Variants in CARD8 observed in about 807,000 individuals in gnomAD.
CARD8 encodes caspase recruitment domain family member 8.
CARD8 carries 38 observed loss-of-function variants against 53.2 expected under a neutral mutation model. That is an observed-to-expected ratio of 0.71 (90% CI 0.55 to 0.94). The LOEUF (loss-of-function observed/expected upper bound fraction) is 0.94, where lower values mean the gene tolerates loss of function less well. CARD8 is among the 40% of genes least tolerant of loss of function. CARD8 has a pLI of 0.00. For missense variants in CARD8, 561 were observed against 655.5 expected (o/e 0.86, Z 1.57); for synonymous variants, 245 against 244.9 (o/e 1.00, Z 0.00).
In CARD8 at chr19:48,211,504, C is replaced by A. The variant is rs1425048327; in HGVS notation, c.*206G>T. 3 of 552,250 alleles carry A rather than the reference C, an allele frequency of 5.4e-6. No homozygotes were observed. The Admixed American group carries it at 1.0e-4, about 19-fold the overall frequency. 34.2% of individuals were successfully genotyped at this position (552,250 alleles called of 1,614,324 possible). ...AAAAAATTTAAAAGGAATATTACTA[C>A]CTTCTTCAGACATTCTTGAGGAAAA... is the stretch of plus-strand genomic sequence containing the variant. On this transcript the variant is annotated 3_prime_UTR_variant, in exon 14 of 14. Coordinates refer to ENST00000651546, the MANE Select transcript of CARD8 (RefSeq NM_001184900.3).
chr19:48,206,417 A>G (rs73057772), downstream of CARD8: 6,704 of 457,834 alleles, frequency 0.015, 89 homozygotes, highest in Non-Finnish European at 0.021. Context: ...AGCAGTCCCA[A>G]TGAGTCTGGA....
intron 11 of CARD8, among the ~76,000 whole-genome samples, chr19:48,220,879 C>T (rs1259583852): frequency 6.7e-6 from 1 of 150,338 alleles, no homozygotes; most frequent in East Asian, 2.0e-4. Flanking sequence ...CCACTGCACT[C>T]CAGCTTGGGC....
Position 48,238,383 on chromosome 19 carries a change from G to GT in CARD8, c.208dup (p.Thr70AsnfsTer11), listed in dbSNP as rs1217095626. The stretch of plus-strand genomic sequence containing the variant: ...TTCCCAACAAATAGATGTCCCTTAC[G>GT]TATCATTTGTCACACAGGCCTCAGC... On this transcript the variant is annotated frameshift_variant and splice_region_variant, in exon 5 of 14. Coordinates refer to ENST00000651546, the MANE Select transcript of CARD8 (RefSeq NM_001184900.3). LOFTEE classifies it high-confidence loss of function. The GT allele has an allele frequency of 3.3e-6, 5 of 1,535,444 alleles. No homozygotes were observed. The African/African-American group carries it at 6.9e-5, about 21-fold the overall frequency.
chr19:48,254,758 G>A (rs1041345962), intron 1 of CARD8, among the ~76,000 whole-genome samples: 16 of 152,104 alleles, frequency 1.1e-4, no homozygotes, highest in African/African-American at 3.4e-4. Context: ...CTGACAAATA[G>A]AGCCAGGAAG....
intron 10 of CARD8, among the ~76,000 whole-genome samples, chr19:48,227,018 G>A (rs2041914412): frequency 1.3e-5 from 2 of 151,780 alleles, no homozygotes; most frequent in Admixed American, 1.3e-4. Flanking sequence ...GAACCTGGGA[G>A]GCAGAGGTTG....
intron 1 of CARD8, among the ~76,000 whole-genome samples, chr19:48,254,679 ACTT>A (rs1166242037): frequency 6.6e-6 from 1 of 152,106 alleles, no homozygotes; most frequent in Non-Finnish European, 1.5e-5. Flanking sequence ...TTTCAGAGAA[ACTT>A]CTTGATCACA....
At chr19:48,231,627 G>A (rs747937737) in intron 8 of CARD8, 33 bp downstream of exon 8, 4 of 1,556,340 alleles carry the variant, frequency 2.6e-6, no homozygotes, top group Non-Finnish European at 3.5e-6. Flanking sequence ...ATATCAGAGT[G>A]GTTTTCAAAT....
At chr19:48,232,131 A>G (rs2043019785) in intron 7 of CARD8, 1 of 549,228 alleles carries the variant, frequency 1.8e-6, no homozygotes, top group Non-Finnish European at 3.3e-6. Flanking sequence ...ATAGCAGAAG[A>G]CACTTTCTGC....
intron 5 of CARD8, among the ~76,000 whole-genome samples, chr19:48,237,077 G>T (rs532703343): frequency 6.6e-6 from 1 of 152,148 alleles, no homozygotes; most frequent in South Asian, 2.1e-4. Flanking sequence ...CGCCTGGCCT[G>T]TATTGGGTCA....
rs779639405 is a variant in CARD8, at chr19:48,230,952, G to A, written c.597C>T (p.Phe199=). Residue 199 remains phenylalanine (F), a synonymous_variant, in exon 9 of 14, where the codon TTC becomes TTT. Transcript: ENST00000651546. ...TCACTGTGACCTCATCCCTTACCAG[G>A]AAGCCGAGGCCTGTGGCTGACCACA... is the stretch of plus-strand genomic sequence containing the variant. ...WYLWSATGLG[F]LVRDEVTVTI... is the part of the protein sequence containing the mutation. 15 of 1,614,058 alleles carry A rather than the reference G, an allele frequency of 9.3e-6. No homozygotes were observed. The highest frequency in any genetic ancestry group is 1.6e-4 in the Middle Eastern group (1 of 6,084).
At chr19:48,218,140 C>A (rs894953201) in intron 12 of CARD8, among the ~76,000 whole-genome samples, 2 of 150,476 alleles carry the variant, frequency 1.3e-5, no homozygotes, top group African/African-American at 4.9e-5. Flanking sequence ...ACTGATAATA[C>A]ACTGACAATA....
At position 48,246,498 on chromosome 19, in the gene CARD8, G is replaced by A. The variant is rs558861271; in HGVS notation, c.-44+3025C>T. 5.3e-5 allele frequency among the ~76,000 whole-genome samples: 8 copies of A among 152,216 alleles called. No individual in the cohort carries two copies. In the South Asian group the frequency reaches 8.3e-4, roughly 16 times the overall value. ...GGAAAGACCTGGGGAATCCATGCATGTATACCGAACTGTGCCTACACATGC... is the reference window on the plus strand; with the variant it reads ...GGAAAGACCTGGGGAATCCATGCATATATACCGAACTGTGCCTACACATGC... On this transcript the variant is annotated intron_variant, in intron 3 of 13. Transcript: ENST00000651546.
In CARD8 at chr19:48,213,785, C is replaced by T. The variant is rs956542730; in HGVS notation, c.1348+1555G>A. ...CTCTTCACTTTTACAACAGCCCCAC[C>T]GTTCCCCACTTCCTATTCATTCCCA... is the stretch of plus-strand genomic sequence containing the variant. On this transcript the variant is annotated intron_variant, in intron 13 of 13. Coordinates refer to ENST00000651546, the MANE Select transcript of CARD8 (RefSeq NM_001184900.3). Among the ~76,000 whole-genome samples, 6 of 152,316 alleles carry T rather than the reference C, an allele frequency of 3.9e-5. No individual in the cohort carries two copies. In the East Asian group the frequency reaches 7.7e-4, roughly 20 times the overall value.
chr19:48,222,336 C>T (rs1426273718), intron 10 of CARD8, among the ~76,000 whole-genome samples: 1 of 152,128 alleles, frequency 6.6e-6, no homozygotes, highest in Non-Finnish European at 1.5e-5. Context: ...TGACCACCAG[C>T]GAGCAGAAAC....
chr19:48,239,158 G>A (rs1327315069), intron 4 of CARD8, among the ~76,000 whole-genome samples: 2 of 152,190 alleles, frequency 1.3e-5, no homozygotes, highest in African/African-American at 4.8e-5. Flanking sequence ...TTATTTGAAG[G>A]TAGGATCTCT....
downstream of CARD8, among the ~76,000 whole-genome samples, chr19:48,205,377 G>A (rs377360507): frequency 9.3e-4 from 142 of 151,954 alleles, no homozygotes; most frequent in Admixed American, 3.5e-3. Context: ...TTACAGGTGC[G>A]CACCACCACG....
chr19:48,238,981 G>A (rs1040715963), intron 4 of CARD8, among the ~76,000 whole-genome samples: 20 of 152,152 alleles, frequency 1.3e-4, no homozygotes, highest in African/African-American at 3.4e-4. Context: ...TGTTCATCAC[G>A]GTCTGTCACA....
At chr19:48,235,661 G>A (rs139913968) in intron 5 of CARD8, among the ~76,000 whole-genome samples, 1 of 152,148 alleles carries the variant, frequency 6.6e-6, no homozygotes, top group Admixed American at 6.5e-5. Flanking sequence ...TGGGATTACA[G>A]TCATGAGCCA....
chr19:48,231,285 T>C (rs1315676261), intron 8 of CARD8, among the ~76,000 whole-genome samples: 1 of 152,048 alleles, frequency 6.6e-6, no homozygotes, highest in Non-Finnish European at 1.5e-5. Context: ...CCGATACGCT[T>C]CCTTTTGTAT....
Sources: allele counts gnomAD v4.1 joint callset (sites outside exome capture counted in the v4.1 genomes callset), GRCh38; gene constraint gnomAD v4.1.1; transcripts MANE v1.5; gene names NCBI Gene and HGNC (gene_info 2026-07-23, HGNC 2026-07-21).